The following ANK3 variants were observed in gnomAD, a reference collection of about 807,000 sequenced individuals.
ANK3 encodes the protein ankyrin 3.
Under a neutral mutation model 370.9 loss-of-function variants are expected in ANK3, and 57 were observed. The observed-to-expected ratio is 0.15, with a 90% confidence interval of 0.12 to 0.19. The LOEUF (loss-of-function observed/expected upper bound fraction) is 0.19. Ranked by LOEUF, ANK3 falls within the 10% of genes least tolerant of loss-of-function variation. The pLI, the probability that ANK3 is intolerant of heterozygous loss-of-function variation, is 1.00. For synonymous variants in ANK3, 1,929 were observed against 1,946.3 expected (o/e 0.99, Z 0.23); for missense variants, 4,439 against 5,302.1 (o/e 0.84, Z 5.06).
chr10:60,415,780 C>T (rs1023466177), intron 2 of ANK3, among the ~76,000 whole-genome samples: 2 of 152,086 alleles, frequency 1.3e-5, no homozygotes, highest in Non-Finnish European at 2.9e-5. Flanking sequence ...GAAAATAGTA[C>T]CTGACAAAAA....
chr10:60,365,455 G>A (rs1328094899), intron 1 of ANK3, among the ~76,000 whole-genome samples: 2 of 152,084 alleles, frequency 1.3e-5, no homozygotes, highest in Non-Finnish European at 2.9e-5. Flanking sequence ...GCTCTTAAAA[G>A]GGAAAATTGA....
rs1046615676 is a variant in ANK3, at chr10:60,516,505, C to T, written c.96+98681G>A. On this transcript the variant is annotated intron_variant, in intron 2 of 43. Coordinates refer to the ANK3 transcript ENST00000373827. ...ACTGTAACGTCCTACTTTAATTAGC[C>T]AAGTGTCTAATATTTTGAAAGACTG... Among the ~76,000 whole-genome samples the T allele has an allele frequency of 1.8e-4, 27 of 152,030 alleles. 1 individual carries two copies. Among genetic ancestry groups the T allele is most frequent in the Admixed American group, 1.2e-3 (19 of 15,240 alleles).
intron 2 of ANK3, among the ~76,000 whole-genome samples, chr10:60,511,195 A>G (rs1010092861): frequency 1.3e-5 from 2 of 152,152 alleles, no homozygotes; most frequent in African/African-American, 4.8e-5. Context: ...AATGGTCACA[A>G]TTGTTTAATC....
At chr10:60,469,719 T>C (rs1487461693) in intron 2 of ANK3, among the ~76,000 whole-genome samples, 2 of 140,170 alleles carry the variant, frequency 1.4e-5, no homozygotes, top group Non-Finnish European at 3.1e-5. Context: ...TGCCATTTTT[T>C]ATCTCACACT....
intron 2 of ANK3, among the ~76,000 whole-genome samples, chr10:60,436,483 C>CT (rs1263334725): frequency 6.6e-6 from 1 of 152,078 alleles, no homozygotes; most frequent in Non-Finnish European, 1.5e-5. Context: ...TGTTGTATGC[C>CT]TTTTTTATAG....
chr10:60,584,551 A>T (rs2077804073), intron 2 of ANK3, among the ~76,000 whole-genome samples: 1 of 152,188 alleles, frequency 6.6e-6, no homozygotes, highest in Admixed American at 6.5e-5. Flanking sequence ...CAGGAGTTTG[A>T]GGCTGCAATG....
At chr10:60,209,415 G>A (rs1369172607) in intron 9 of ANK3, among the ~76,000 whole-genome samples, 1 of 152,128 alleles carries the variant, frequency 6.6e-6, no homozygotes, top group Non-Finnish European at 1.5e-5. Flanking sequence ...TAAGCTCCTT[G>A]TTAACCATTC....
At chr10:60,411,740 G>A (rs1377869792) in intron 2 of ANK3, among the ~76,000 whole-genome samples, 1 of 152,184 alleles carries the variant, frequency 6.6e-6, no homozygotes, top group Non-Finnish European at 1.5e-5. Flanking sequence ...CCTTAGATAA[G>A]TGACCCCATC....
intron 21 of ANK3, among the ~76,000 whole-genome samples, chr10:60,169,759 T>G (rs2095731801): frequency 6.6e-6 from 1 of 152,244 alleles, no homozygotes; most frequent in East Asian, 1.9e-4. Flanking sequence ...CATGGATAGT[T>G]ATTTTACAGT....
At chr10:60,636,401 A>G (rs1217404915) in intron 1 of ANK3, among the ~76,000 whole-genome samples, 1 of 152,142 alleles carries the variant, frequency 6.6e-6, no homozygotes, top group Non-Finnish European at 1.5e-5. Flanking sequence ...CAACCTCCAA[A>G]GTCTCAATTC....
intron 2 of ANK3, chr10:60,507,833 T>C (rs983314725): frequency 2.0e-5 from 3 of 152,110 alleles, no homozygotes; most frequent in African/African-American, 4.8e-5. Context: ...AAAAAGTCTA[T>C]AATGACAATG....
At chr10:60,414,265 G>T (rs1170144572) in intron 2 of ANK3, among the ~76,000 whole-genome samples, 3 of 152,126 alleles carry the variant, frequency 2.0e-5, no homozygotes, top group Admixed American at 2.0e-4. Flanking sequence ...TTCCCAGCAA[G>T]TCCACTAACC....
At chr10:60,042,838 G>T in intron 42 of ANK3, 79 bp from the exon 43 acceptor site, 1 of 1,591,618 alleles carries the variant, frequency 6.3e-7, no homozygotes, top group Non-Finnish European at 8.5e-7. Context: ...ATCCTTGGAG[G>T]CTGGATTAGG....
chr10:60,056,540 T>C (rs12263618), intron 41 of ANK3, among the ~76,000 whole-genome samples: 5,285 of 152,154 alleles, frequency 0.035, 321 homozygotes, highest in African/African-American at 0.12. Flanking sequence ...CTTCTAGACA[T>C]CCCCCATATC....
At chr10:60,231,073 G>C (rs915999630) in intron 8 of ANK3, among the ~76,000 whole-genome samples, 3 of 152,070 alleles carry the variant, frequency 2.0e-5, no homozygotes, top group Non-Finnish European at 4.4e-5. Flanking sequence ...CTTTCTATCT[G>C]TACTGGCTGG....
chr10:60,580,153 G>A (rs909348643), intron 2 of ANK3, among the ~76,000 whole-genome samples: 11 of 152,048 alleles, frequency 7.2e-5, no homozygotes, highest in South Asian at 2.1e-4. Context: ...CACTAATAAC[G>A]TCCATTACTT....
intron 1 of ANK3, among the ~76,000 whole-genome samples, chr10:60,302,017 A>G (rs1429089841): frequency 2.0e-5 from 3 of 152,210 alleles, no homozygotes; most frequent in Non-Finnish European, 4.4e-5. Flanking sequence ...CATAATTTAC[A>G]CAGAGACTAC....
chr10:60,273,100 A>G (rs1400804709), intron 4 of ANK3, among the ~76,000 whole-genome samples: 5 of 152,104 alleles, frequency 3.3e-5, no homozygotes, highest in Admixed American at 1.3e-4. Flanking sequence ...CTCTGAAATC[A>G]CTCTACATGC....
intron 5 of ANK3, among the ~76,000 whole-genome samples, chr10:60,266,468 T>G (rs890187033): frequency 5.3e-5 from 8 of 152,156 alleles, no homozygotes; most frequent in Non-Finnish European, 1.0e-4. Flanking sequence ...GAGATTTAAT[T>G]TTGCATCTCA....
Sources: gnomAD v4.1 joint callset for allele counts (sites outside exome capture counted in the v4.1 genomes callset) on GRCh38, gnomAD v4.1.1 for gene constraint, MANE v1.5 for transcripts, NCBI Gene and HGNC (gene_info 2026-07-23, HGNC 2026-07-21) for gene names.